The following PHACTR3 variants were observed in gnomAD, a reference collection of about 807,000 sequenced individuals.
The protein encoded by PHACTR3 is phosphatase and actin regulator 3.
A neutral mutation model predicts 66.8 loss-of-function variants in PHACTR3; 16 were observed. That is an observed-to-expected ratio of 0.24 (90% CI 0.16 to 0.36). The LOEUF is 0.36. Ranked by LOEUF, PHACTR3 falls within the 10% of genes least tolerant of loss-of-function variation. The probability of loss-of-function intolerance (pLI) is 1.00; values close to 1 mark genes in which losing one functional copy is unlikely to be tolerated. For missense variants in PHACTR3, 647 were observed against 719.9 expected (o/e 0.90, Z 1.16); for synonymous variants, 323 against 292.1 (o/e 1.11, Z -1.08).
At chr20:59,828,284 G>A (rs191076976) in intron 8 of PHACTR3, among the ~76,000 whole-genome samples, 8 of 152,286 alleles carry the variant, frequency 5.3e-5, no homozygotes, top group African/African-American at 1.9e-4. Context: ...TCCTCCACTA[G>A]TGTCTCTCAG....
At chr20:59,648,578 G>T (rs2035360640) in intron 1 of PHACTR3, among the ~76,000 whole-genome samples, 1 of 152,206 alleles carries the variant, frequency 6.6e-6, no homozygotes, top group Admixed American at 6.5e-5. Flanking sequence ...AGAGGCCAGG[G>T]ATGGAGGGTC....
At chr20:59,640,348 G>A (rs1328818047) in intron 1 of PHACTR3, among the ~76,000 whole-genome samples, 1 of 152,232 alleles carries the variant, frequency 6.6e-6, no homozygotes, top group Non-Finnish European at 1.5e-5. Flanking sequence ...TGGAGGACAA[G>A]GTGTTGAAGA....
At chr20:59,794,352 A>G (rs1202760078) in intron 7 of PHACTR3, among the ~76,000 whole-genome samples, 2 of 152,078 alleles carry the variant, frequency 1.3e-5, no homozygotes, top group African/African-American at 4.8e-5. Flanking sequence ...TAACATATTA[A>G]TTTTTACATA....
intron 1 of PHACTR3, among the ~76,000 whole-genome samples, chr20:59,595,693 A>G (rs2033309820): frequency 6.6e-6 from 1 of 152,130 alleles, no homozygotes; most frequent in Admixed American, 6.5e-5. Context: ...TGCGGTCACC[A>G]ACTTTAATCA....
At chr20:59,669,486 A>G (rs1376711837) in intron 1 of PHACTR3, among the ~76,000 whole-genome samples, 1 of 152,176 alleles carries the variant, frequency 6.6e-6, no homozygotes, top group Non-Finnish European at 1.5e-5. Flanking sequence ...GATAATTCAC[A>G]TATCGTGCAG....
At chr20:59,633,820 G>T (rs2034754326) in intron 1 of PHACTR3, among the ~76,000 whole-genome samples, 2 of 152,118 alleles carry the variant, frequency 1.3e-5, no homozygotes, top group South Asian at 4.2e-4. Flanking sequence ...CTGGACTCTG[G>T]TTCTTTGAGT....
chr20:59,785,392 C>G (rs1376901931), intron 7 of PHACTR3, among the ~76,000 whole-genome samples: 2 of 152,176 alleles, frequency 1.3e-5, no homozygotes, highest in African/African-American at 4.8e-5. Context: ...CCCACAAATA[C>G]AGTCACATTG....
intron 1 of PHACTR3, among the ~76,000 whole-genome samples, chr20:59,740,711 G>T (rs530678121): frequency 6.6e-6 from 1 of 152,178 alleles, no homozygotes; most frequent in African/African-American, 2.4e-5. Context: ...CCAAGGGGCC[G>T]GGTGGCTTAC....
chr20:59,778,104 A>G (rs1182498), intron 7 of PHACTR3, among the ~76,000 whole-genome samples: 116,250 of 152,066 alleles, frequency 0.76, 44,720 homozygotes, highest in South Asian at 0.83. Flanking sequence ...GGGTCCAGCC[A>G]ACTCCCTCTT....
chr20:59,679,515 G>A (rs1255842432), intron 1 of PHACTR3, among the ~76,000 whole-genome samples: 3 of 152,154 alleles, frequency 2.0e-5, no homozygotes, highest in Non-Finnish European at 4.4e-5. Flanking sequence ...CTTTTCTTGT[G>A]TGTGTGCTTA....
At chr20:59,779,809 G>A (rs949419039) in intron 7 of PHACTR3, among the ~76,000 whole-genome samples, 1 of 152,264 alleles carries the variant, frequency 6.6e-6, no homozygotes, top group African/African-American at 2.4e-5. Flanking sequence ...ACACACACAG[G>A]CTTGCACATG....
At chr20:59,797,009 T>G (rs1750935161) in intron 7 of PHACTR3, among the ~76,000 whole-genome samples, 1 of 152,186 alleles carries the variant, frequency 6.6e-6, no homozygotes, top group Admixed American at 6.5e-5. Flanking sequence ...TGGTGTCTCA[T>G]AAGTCCCATA....
chr20:59,597,185 CT>C (rs2033349849), intron 1 of PHACTR3, among the ~76,000 whole-genome samples: 1 of 152,204 alleles, frequency 6.6e-6, no homozygotes, highest in Non-Finnish European at 1.5e-5. Flanking sequence ...GTTAGATACC[CT>C]GTCTGAGCCT....
At chr20:59,804,315 G>T (rs72629010) in intron 7 of PHACTR3, among the ~76,000 whole-genome samples, 9,150 of 152,168 alleles carry the variant, frequency 0.06, 708 homozygotes, top group East Asian at 0.37. Flanking sequence ...ACTTTTTCTC[G>T]GTTAAGAGCA....
chr20:59,827,822 C>T (rs556963596), intron 8 of PHACTR3, among the ~76,000 whole-genome samples: 9 of 152,272 alleles, frequency 5.9e-5, no homozygotes, highest in African/African-American at 2.2e-4. Flanking sequence ...ACATCAGAAG[C>T]CCCCCACTGC....
chr20:59,665,016 C>T (rs1216709424), intron 1 of PHACTR3, among the ~76,000 whole-genome samples: 7 of 152,184 alleles, frequency 4.6e-5, no homozygotes, highest in African/African-American at 1.4e-4. Context: ...TACTTTGCAC[C>T]TGATTTATTT....
intron 5 of PHACTR3, 65 bp downstream of exon 5, chr20:59,767,460 C>T: frequency 6.8e-7 from 1 of 1,477,696 alleles, no homozygotes; most frequent in Admixed American, 1.8e-5. Context: ...ATCTATCCTA[C>T]ATTCATCCAC....
At chr20:59,823,405 C>G (rs1020632567) in intron 8 of PHACTR3, among the ~76,000 whole-genome samples, 1 of 152,150 alleles carries the variant, frequency 6.6e-6, no homozygotes, top group Non-Finnish European at 1.5e-5. Flanking sequence ...AGGTAAAGAC[C>G]TGTCCTCAGT....
At chr20:59,664,905 C>T (rs142333268) in intron 1 of PHACTR3, among the ~76,000 whole-genome samples, 112 of 152,274 alleles carry the variant, frequency 7.4e-4, no homozygotes, top group African/African-American at 2.3e-3. Flanking sequence ...GTATCCATTG[C>T]GGGCTGGGTG....
Sources: allele counts gnomAD v4.1 joint callset (sites outside exome capture counted in the v4.1 genomes callset), GRCh38; gene constraint gnomAD v4.1.1; transcripts MANE v1.5; gene names NCBI Gene and HGNC (gene_info 2026-07-23, HGNC 2026-07-21).